The following GRB14 variants were observed in gnomAD, a reference collection of about 807,000 sequenced individuals.
GRB14 encodes the protein growth factor receptor-bound protein 14.
A neutral mutation model predicts 69.1 loss-of-function variants in GRB14; 38 were observed. That is an observed-to-expected ratio of 0.55 (90% CI 0.42 to 0.72). The LOEUF is 0.72. Among genes scored for constraint, GRB14 ranks in the 30% least tolerant of loss-of-function variants. The pLI, the probability that GRB14 is intolerant of heterozygous loss-of-function variation, is 0.00. For missense variants in GRB14, 666 were observed against 666.1 expected, an observed-to-expected ratio of 1.00 and a Z score of 0.00; for synonymous variants, 247 against 241.3, an observed-to-expected ratio of 1.02 and a Z score of -0.22.
intron 1 of GRB14, among the ~76,000 whole-genome samples, chr2:164,620,518 G>GAAA (rs35214416): frequency 1.3e-5 from 2 of 151,034 alleles, no homozygotes. Context: ...TGAAAATCAG[G>GAAA]AAAAAAAAAG....
At chr2:164,547,535 G>T in intron 3 of GRB14, 125 bp downstream of exon 3, 1 of 653,526 alleles carries the variant, frequency 1.5e-6, no homozygotes. Flanking sequence ...AAAAGGAACT[G>T]GGATCACCTA....
At chr2:164,530,451 A>G (rs1188751084) in intron 3 of GRB14, among the ~76,000 whole-genome samples, 1 of 152,112 alleles carries the variant, frequency 6.6e-6, no homozygotes, top group Non-Finnish European at 1.5e-5. Context: ...TATTTAAACC[A>G]TAATAGTGGT....
intron 2 of GRB14, among the ~76,000 whole-genome samples, chr2:164,615,184 C>T (rs1690258866): frequency 6.6e-6 from 1 of 152,110 alleles, no homozygotes; most frequent in Admixed American, 6.6e-5. Flanking sequence ...AGGTGACATA[C>T]TCATTTTCTT....
intron 6 of GRB14, among the ~76,000 whole-genome samples, chr2:164,515,697 A>C (rs943163638): frequency 6.6e-6 from 1 of 152,082 alleles, no homozygotes; most frequent in Non-Finnish European, 1.5e-5. Flanking sequence ...CCAGCAATGG[A>C]TCCAAACCAA....
intron 8 of GRB14, among the ~76,000 whole-genome samples, chr2:164,507,243 G>A (rs997024317): frequency 6.6e-6 from 1 of 152,068 alleles, no homozygotes; most frequent in Non-Finnish European, 1.5e-5. Context: ...GAGAGCAGAA[G>A]AGGTAAAAAT....
At chr2:164,515,961 G>C (rs1022798506) in intron 6 of GRB14, among the ~76,000 whole-genome samples, 1 of 151,624 alleles carries the variant, frequency 6.6e-6, no homozygotes, top group African/African-American at 2.4e-5. Context: ...CAAACAAGTA[G>C]AAGAAAGGAC....
Position 164,621,320 on chromosome 2 carries a change from CG to C in GRB14, c.-12del, listed in dbSNP as rs779585440. On this transcript the variant is annotated 5_prime_UTR_variant, in exon 1 of 14. Coordinates refer to ENST00000263915, the MANE Select transcript of GRB14 (RefSeq NM_004490.3). The surrounding 1 kb of genome is among the most constrained non-coding windows in gnomAD (Gnocchi z 6.0). ...CAGGGAAGTGGTCATTGTCGCCGGCCGGGGGGCTCGGGCGTCATGGGAGACT... is the reference window on the plus strand; with the variant it reads ...CAGGGAAGTGGTCATTGTCGCCGGCCGGGGGCTCGGGCGTCATGGGAGACT... 7.8e-7 allele frequency: 1 copy of C among 1,282,124 alleles called. No individual in the cohort carries two copies. Among genetic ancestry groups the C allele is most frequent in the Non-Finnish European group, 9.9e-7 (1 of 1,014,554 alleles). The allele number at this position is 1,282,124 out of a possible 1,614,324, so 79.4% of individuals were successfully genotyped here.
At position 164,492,929 on chromosome 2, in the gene GRB14, A is replaced by C; in HGVS notation, c.*107T>G. 2 of 1,029,360 alleles carry C rather than the reference A, an allele frequency of 1.9e-6. No individual in the cohort carries two copies. The highest frequency in any genetic ancestry group is 2.8e-6 in the Non-Finnish European group (2 of 725,108). 63.8% of individuals were successfully genotyped at this position (1,029,360 alleles called of 1,614,324 possible). ...ACTATTTTTTTGTAACTTGCAGGTG[A>C]AATACATTCTTTTCACATGGTAATG... is the stretch of plus-strand genomic sequence containing the variant. On this transcript the variant is annotated 3_prime_UTR_variant, in exon 14 of 14. Coordinates refer to ENST00000263915, the MANE Select transcript of GRB14 (RefSeq NM_004490.3).
At chr2:164,585,007 T>C (rs547760312) in intron 2 of GRB14, among the ~76,000 whole-genome samples, 1 of 149,944 alleles carries the variant, frequency 6.7e-6, no homozygotes, top group African/African-American at 2.4e-5. Flanking sequence ...AGTGGTGTGG[T>C]CTTGGCTCAA....
chr2:164,502,385 T>C, intron 8 of GRB14, 50 bp from the exon 9 acceptor site: 2 of 991,602 alleles, frequency 2.0e-6, no homozygotes, highest in African/African-American at 1.6e-5. Flanking sequence ...ACTACTCTGA[T>C]AATCTATGAA....
intron 2 of GRB14, among the ~76,000 whole-genome samples, chr2:164,576,733 T>C (rs13020404): frequency 0.13 from 19,400 of 151,048 alleles, 1,279 homozygotes; most frequent in Middle Eastern, 0.2. Context: ...ATAAATTTAC[T>C]AACATCCCAA....
chr2:164,611,662 C>G (rs1690170062), intron 2 of GRB14, among the ~76,000 whole-genome samples: 2 of 151,420 alleles, frequency 1.3e-5, no homozygotes, highest in South Asian at 2.1e-4. Flanking sequence ...ACCACTTGAG[C>G]TGGCTCCTAC....
intron 6 of GRB14, among the ~76,000 whole-genome samples, chr2:164,516,681 G>A (rs891217169): frequency 6.6e-6 from 1 of 152,078 alleles, no homozygotes; most frequent in Non-Finnish European, 1.5e-5. Flanking sequence ...CCACTACCAA[G>A]CCAGCACTAC....
At chr2:164,496,300 C>G (rs904768654) in intron 12 of GRB14, among the ~76,000 whole-genome samples, 2 of 152,122 alleles carry the variant, frequency 1.3e-5, no homozygotes, top group African/African-American at 4.8e-5. Context: ...ATTTGTACTG[C>G]ATTTGGAAAG....
chr2:164,494,256 G>T (rs898610611), intron 13 of GRB14, among the ~76,000 whole-genome samples, 175 bp downstream of exon 13: 6 of 151,984 alleles, frequency 3.9e-5, no homozygotes, highest in Admixed American at 2.6e-4. Context: ...ATTAATTCAG[G>T]CTCATAAAAT....
At chr2:164,535,916 G>C (rs748293307) in intron 3 of GRB14, among the ~76,000 whole-genome samples, 1 of 152,088 alleles carries the variant, frequency 6.6e-6, no homozygotes, top group Non-Finnish European at 1.5e-5. Flanking sequence ...CCCAACCATT[G>C]GAACTTATAT....
intron 2 of GRB14, among the ~76,000 whole-genome samples, chr2:164,575,576 A>G (rs1455566721): frequency 6.6e-6 from 1 of 152,146 alleles, no homozygotes; most frequent in Non-Finnish European, 1.5e-5. Flanking sequence ...TACTATATAA[A>G]CTGACTGCTT....
At chr2:164,550,976 T>TTGCTGGAGC (rs1688522779) in intron 2 of GRB14, among the ~76,000 whole-genome samples, 1 of 152,174 alleles carries the variant, frequency 6.6e-6, no homozygotes, top group African/African-American at 2.4e-5. Flanking sequence ...CAGTGACAGT[T>TTGCTGGAGC]TGCTGGAGCT....
intron 8 of GRB14, 76 bp from the exon 9 acceptor site, chr2:164,502,411 C>A (rs1687080030): frequency 2.4e-6 from 2 of 822,042 alleles, no homozygotes; most frequent in Admixed American, 2.0e-5. Flanking sequence ...ACACTTTCAT[C>A]AATTATACAA....
Sources: allele counts gnomAD v4.1 joint callset (sites outside exome capture counted in the v4.1 genomes callset), GRCh38; gene constraint gnomAD v4.1.1; non-coding constraint Gnocchi (gnomAD v3.1); transcripts MANE v1.5; gene names NCBI Gene and HGNC (gene_info 2026-07-23, HGNC 2026-07-21).